KCNIP1: variants seen among roughly 807,000 people sequenced by gnomAD.
The protein encoded by KCNIP1 is potassium voltage-gated channel interacting protein 1.
Under a neutral mutation model 33.0 loss-of-function variants are expected in KCNIP1, and 18 were observed. That is an observed-to-expected ratio of 0.55 (90% CI 0.38 to 0.81). KCNIP1 has a LOEUF of 0.81. Ranked by LOEUF, KCNIP1 falls within the 30% of genes least tolerant of loss-of-function variation. The pLI is 0.00. For synonymous variants in KCNIP1, 93 were observed against 98.3 expected, an observed-to-expected ratio of 0.95 and a Z score of 0.32; for missense variants, 238 against 271.6, an observed-to-expected ratio of 0.88 and a Z score of 0.87.
chr5:170,438,489 A>G (rs1317087037), intron 1 of KCNIP1, among the ~76,000 whole-genome samples: 1 of 152,174 alleles, frequency 6.6e-6, no homozygotes, highest in Non-Finnish European at 1.5e-5. Flanking sequence ...TTTCTAAAAT[A>G]AAATTTAAAA....
intron 1 of KCNIP1, among the ~76,000 whole-genome samples, chr5:170,358,149 CCTT>C (rs1171315722): frequency 6.6e-6 from 1 of 152,154 alleles, no homozygotes; most frequent in Non-Finnish European, 1.5e-5. Flanking sequence ...AAACTCATCT[CCTT>C]CTGCACTGGG....
At chr5:170,521,827 G>C (rs1338184343) in intron 1 of KCNIP1, among the ~76,000 whole-genome samples, 3 of 152,206 alleles carry the variant, frequency 2.0e-5, no homozygotes, top group African/African-American at 7.2e-5. Context: ...TATTGCAGTA[G>C]GCTGAAACAT....
At chr5:170,387,956 C>T (rs11742820) in intron 1 of KCNIP1, among the ~76,000 whole-genome samples, 1 of 152,156 alleles carries the variant, frequency 6.6e-6, no homozygotes, top group Non-Finnish European at 1.5e-5. Context: ...AAAGCCATTT[C>T]TCTCCTGGGG....
chr5:170,418,940 T>G (rs1409375871), intron 1 of KCNIP1, among the ~76,000 whole-genome samples: 1 of 152,268 alleles, frequency 6.6e-6, no homozygotes, highest in East Asian at 1.9e-4. Context: ...GCTATCATTT[T>G]TCACGTGCCA....
At chr5:170,706,483 GC>G (rs1157830975) in intron 1 of KCNIP1, among the ~76,000 whole-genome samples, 2 of 152,160 alleles carry the variant, frequency 1.3e-5, no homozygotes, top group African/African-American at 4.8e-5. Flanking sequence ...CTCCCCAAGA[GC>G]CAGTTGTCAG....
At chr5:170,575,006 A>T (rs1403613465) in intron 1 of KCNIP1, among the ~76,000 whole-genome samples, 15 of 152,200 alleles carry the variant, frequency 9.9e-5, no homozygotes, top group Non-Finnish European at 1.5e-5. Context: ...CAGCAGTTCC[A>T]GGAAAAAAGA....
intron 1 of KCNIP1, among the ~76,000 whole-genome samples, chr5:170,692,782 T>C (rs2113818601): frequency 6.6e-6 from 1 of 152,354 alleles, no homozygotes; most frequent in Middle Eastern, 3.4e-3. Flanking sequence ...AGCATGGATA[T>C]GCTTATATGT....
chr5:170,464,925 T>C (rs1340580699), intron 1 of KCNIP1, among the ~76,000 whole-genome samples: 1 of 152,166 alleles, frequency 6.6e-6, no homozygotes, highest in African/African-American at 2.4e-5. Flanking sequence ...CCCTACTGGC[T>C]TGAGTGTGGA....
exon 1 of KCNIP1, chr5:170,353,924 C>T: frequency 6.2e-7 from 1 of 1,614,218 alleles, no homozygotes; most frequent in Non-Finnish European, 8.5e-7. Context: ...TGAAATTTGC[C>T]CAGACCATCT....
At chr5:170,708,170 G>A (rs1212315690) in intron 1 of KCNIP1, among the ~76,000 whole-genome samples, 2 of 152,108 alleles carry the variant, frequency 1.3e-5, no homozygotes, top group African/African-American at 2.4e-5. Context: ...TCCCCTCTCT[G>A]CTCCATGCAA....
chr5:170,632,661 A>G (rs1440536300), intron 1 of KCNIP1, among the ~76,000 whole-genome samples: 3 of 152,206 alleles, frequency 2.0e-5, no homozygotes, highest in African/African-American at 7.2e-5. Flanking sequence ...GATTCCTAAA[A>G]TGTGATGCCC....
At chr5:170,385,901 T>A (rs949189108) in intron 1 of KCNIP1, among the ~76,000 whole-genome samples, 1 of 151,644 alleles carries the variant, frequency 6.6e-6, no homozygotes, top group East Asian at 1.9e-4. Flanking sequence ...GGGCGGATCA[T>A]GAGGTCAGGA....
intron 1 of KCNIP1, among the ~76,000 whole-genome samples, chr5:170,381,640 G>A (rs3804246): frequency 0.19 from 29,404 of 152,116 alleles, 2,937 homozygotes; most frequent in South Asian, 0.28. Context: ...AAGCCTGGGC[G>A]GCAGGGGAGA....
At position 170,562,678 on chromosome 5, in the gene KCNIP1, C is replaced by T. The variant is rs935118047; in HGVS notation, c.61+58045C>T. On this transcript the variant is annotated intron_variant, in intron 1 of 7. Transcript: ENST00000328939. ...CTCAGTCCCTGAGCTGCTGTGCCCA[C>T]GACATGCTCCATTTTCTCATAAAAG... 3.3e-5 allele frequency among the ~76,000 whole-genome samples: 5 copies of T among 152,332 alleles called. No individual in the cohort carries two copies. In the South Asian group the frequency reaches 6.2e-4, roughly 19 times the overall value.
intron 1 of KCNIP1, among the ~76,000 whole-genome samples, chr5:170,655,342 C>T (rs1761217383): frequency 6.6e-6 from 1 of 152,158 alleles, no homozygotes; most frequent in African/African-American, 2.4e-5. Flanking sequence ...CAGTGAGATG[C>T]TTGCCTAGAG....
intron 1 of KCNIP1, among the ~76,000 whole-genome samples, chr5:170,573,278 C>T (rs576536079): frequency 6.6e-6 from 1 of 152,302 alleles, no homozygotes; most frequent in African/African-American, 2.4e-5. Context: ...AAAGGTGATG[C>T]TCTGGCGGTC....
At chr5:170,697,669 C>T (rs553918070) in intron 1 of KCNIP1, among the ~76,000 whole-genome samples, 60 of 152,170 alleles carry the variant, frequency 3.9e-4, no homozygotes, top group Non-Finnish European at 7.2e-4. Context: ...CCTAGCTCCT[C>T]GAGGATGCCA....
At chr5:170,636,723 G>A (rs1485477438) in intron 1 of KCNIP1, among the ~76,000 whole-genome samples, 2 of 152,074 alleles carry the variant, frequency 1.3e-5, no homozygotes, top group African/African-American at 4.8e-5. Context: ...CAGCTTTTAG[G>A]GGGCTCAAGG....
chr5:170,624,079 G>A (rs1223807413), intron 1 of KCNIP1, among the ~76,000 whole-genome samples: 1 of 152,204 alleles, frequency 6.6e-6, no homozygotes, highest in Non-Finnish European at 1.5e-5. Context: ...CAGCTCCCGG[G>A]CCCAGGTTTT....
Sources: gnomAD v4.1 joint callset for allele counts (sites outside exome capture counted in the v4.1 genomes callset) on GRCh38, gnomAD v4.1.1 for gene constraint, MANE v1.5 for transcripts, NCBI Gene and HGNC (gene_info 2026-07-23, HGNC 2026-07-21) for gene names.